ACSBG1: variants seen among roughly 807,000 people sequenced by gnomAD.
The protein encoded by ACSBG1 is long-chain-fatty-acid--CoA ligase ACSBG1.
A neutral mutation model predicts 80.2 loss-of-function variants in ACSBG1; 39 were observed. The observed-to-expected ratio is 0.49, with a 90% CI of 0.38 to 0.64. The LOEUF is 0.64. Among genes scored for constraint, ACSBG1 ranks in the 30% least tolerant of loss-of-function variants. The probability of loss-of-function intolerance (pLI) is 0.00; values close to 1 mark genes in which losing one functional copy is unlikely to be tolerated. For missense variants in ACSBG1, 828 were observed against 966.4 expected (o/e 0.86, Z 1.90); for synonymous variants, 392 against 379.5 (o/e 1.03, Z -0.38).
chr15:78,188,914 C>T (rs1483592506), intron 5 of ACSBG1, among the ~76,000 whole-genome samples: 1 of 148,408 alleles, frequency 6.7e-6, no homozygotes, highest in African/African-American at 2.5e-5. Context: ...TTTTCGCAAC[C>T]TACTCATCTG....
At chr15:78,230,789 C>G (rs1216115263) in intron 1 of ACSBG1, among the ~76,000 whole-genome samples, 1 of 152,222 alleles carries the variant, frequency 6.6e-6, no homozygotes, top group Non-Finnish European at 1.5e-5. Flanking sequence ...AAGGCCACCT[C>G]AGCCACATGG....
chr15:78,207,920 C>T, intron 2 of ACSBG1, 82 bp downstream of exon 2: 3 of 836,426 alleles, frequency 3.6e-6, no homozygotes, highest in East Asian at 2.7e-5. Context: ...GTGGTGGTCC[C>T]CCACACCACC....
At chr15:78,202,081 C>A (rs369676357) in intron 2 of ACSBG1, among the ~76,000 whole-genome samples, 26 of 152,124 alleles carry the variant, frequency 1.7e-4, no homozygotes, top group Non-Finnish European at 2.9e-5. Context: ...AAGCAGGTGG[C>A]GGCAGTAGGG....
intron 1 of ACSBG1, among the ~76,000 whole-genome samples, chr15:78,215,419 G>A (rs1366407288): frequency 6.6e-6 from 1 of 152,212 alleles, no homozygotes; most frequent in African/African-American, 2.4e-5. Flanking sequence ...CACTTTGGGA[G>A]GCCGAGGCGG....
At chr15:78,188,176 G>A (rs538627942) in intron 5 of ACSBG1, among the ~76,000 whole-genome samples, 10 of 152,146 alleles carry the variant, frequency 6.6e-5, no homozygotes, top group Non-Finnish European at 1.5e-5. Context: ...AAATAAAAGA[G>A]GATACAAACA....
At chr15:78,216,070 T>G (rs1325839343) in intron 1 of ACSBG1, among the ~76,000 whole-genome samples, 1 of 152,226 alleles carries the variant, frequency 6.6e-6, no homozygotes, top group Admixed American at 6.5e-5. Context: ...ATTGCTTTTT[T>G]AAAAAACATA....
chr15:78,230,555 G>C lies in ACSBG1; in HGVS notation c.131+3816C>G, dbSNP rs181636316. ...ACTGAGATAGAGCCCTTCTGATATGGTCTGGCTGTGTCCCCACCCAAATCT... is the reference window on the plus strand; with the variant it reads ...ACTGAGATAGAGCCCTTCTGATATGCTCTGGCTGTGTCCCCACCCAAATCT... On this transcript the variant is annotated intron_variant, in intron 1 of 13. Coordinates refer to ENST00000258873, the MANE Select transcript of ACSBG1 (RefSeq NM_015162.5). 2.0e-5 allele frequency among the ~76,000 whole-genome samples: 3 copies of C among 152,370 alleles called. No homozygotes were observed. In the East Asian group the frequency reaches 5.8e-4, roughly 29 times the overall value.
At chr15:78,219,774 G>A (rs938826289) in intron 1 of ACSBG1, among the ~76,000 whole-genome samples, 1 of 152,174 alleles carries the variant, frequency 6.6e-6, no homozygotes, top group Non-Finnish European at 1.5e-5. Flanking sequence ...CACAAGGTCA[G>A]GAGATCAAGA....
At chr15:78,221,381 G>A (rs1483929689) in intron 1 of ACSBG1, among the ~76,000 whole-genome samples, 1 of 152,140 alleles carries the variant, frequency 6.6e-6, no homozygotes, top group African/African-American at 2.4e-5. Flanking sequence ...AGACGTGCAC[G>A]TAGGCTAGAT....
At chr15:78,191,679 T>C (rs945189012) in intron 5 of ACSBG1, among the ~76,000 whole-genome samples, 1 of 152,100 alleles carries the variant, frequency 6.6e-6, no homozygotes, top group Non-Finnish European at 1.5e-5. Context: ...GCTAAAACCA[T>C]CAGGAGAAAG....
At chr15:78,209,913 C>A (rs2075252591) in intron 1 of ACSBG1, among the ~76,000 whole-genome samples, 1 of 152,194 alleles carries the variant, frequency 6.6e-6, no homozygotes, top group Non-Finnish European at 1.5e-5. Context: ...TCCTCCTAAT[C>A]AAAAGGTATG....
chr15:78,177,459 A>C lies in ACSBG1; in HGVS notation c.1702+1155T>G, dbSNP rs896681090. Reference sequence around the variant, plus strand: ...CTTACCTCTCACTATACTAGTTCTAAAAGGAGGGCCGGCTCTGGTTGAATT... The same window carrying C: ...CTTACCTCTCACTATACTAGTTCTACAAGGAGGGCCGGCTCTGGTTGAATT... On this transcript the variant is annotated intron_variant, in intron 11 of 13. Coordinates refer to ENST00000258873, the MANE Select transcript of ACSBG1 (RefSeq NM_015162.5). This position sits in a 1 kb window ranked among gnomAD's most constrained non-coding sequence, Gnocchi z 4.1. Among the ~76,000 whole-genome samples, 9 of 152,158 alleles carry C rather than the reference A, an allele frequency of 5.9e-5. No homozygotes were observed. Among genetic ancestry groups the C allele is most frequent in the African/African-American group, 2.2e-4 (9 of 41,424 alleles).
chr15:78,191,561 A>G (rs552905270), intron 5 of ACSBG1, among the ~76,000 whole-genome samples: 2 of 152,336 alleles, frequency 1.3e-5, no homozygotes, highest in African/African-American at 4.8e-5. Flanking sequence ...AGCCCCAGGT[A>G]ATGAGGGAAA....
chr15:78,193,556 CGCA>C lies in ACSBG1; in HGVS notation c.610_612del (p.Cys204del). 6.2e-7 allele frequency: 1 copy of C among 1,613,570 alleles called. No individual in the cohort carries two copies. Among genetic ancestry groups the C allele is most frequent in the East Asian group, 2.2e-5 (1 of 44,860 alleles). On this transcript the variant is annotated inframe_deletion, in exon 5 of 14. Transcript: ENST00000258873. ...TGCGTGTCGACCATGATGACATTGG[CGCA>C]GCAGTCATAAGCGATGTACTGGCAG...
chr15:78,178,944 C>CT lies in ACSBG1; in HGVS notation c.1485-114dup. On this transcript the variant is annotated intron_variant, in intron 10 of 13. Coordinates refer to ENST00000258873, the MANE Select transcript of ACSBG1 (RefSeq NM_015162.5). The surrounding 1 kb of genome is among the most constrained non-coding windows in gnomAD (Gnocchi z 4.3). ...TTCACTGATTGCTAGAAGGTATCCC[C>CT]TCACAGGGCTTTTGTATTTTTACAG... The CT allele has an allele frequency of 9.3e-7, 1 of 1,072,330 alleles. No individual in the cohort carries two copies. Among genetic ancestry groups the CT allele is most frequent in the African/African-American group, 1.6e-5 (1 of 62,910 alleles). The allele number at this position is 1,072,330 out of a possible 1,614,324, so 66.4% of individuals were successfully genotyped here.
In ACSBG1 at chr15:78,227,987, T is replaced by C. The variant is rs185204025; in HGVS notation, c.131+6384A>G. On this transcript the variant is annotated intron_variant, in intron 1 of 13. Coordinates refer to ENST00000258873, the MANE Select transcript of ACSBG1 (RefSeq NM_015162.5). ...ATGGGAAAGTGAGGGTGGAGATTGA[T>C]TAATTGACTAATCTCTTGCCTTAGC... Among the ~76,000 whole-genome samples, 7 of 152,314 alleles carry C rather than the reference T, an allele frequency of 4.6e-5. No homozygotes were observed. The East Asian group carries it at 1.3e-3, about 29-fold the overall frequency.
chr15:78,174,877 GTCAC>G (rs1423318028), intron 11 of ACSBG1: 1 of 335,052 alleles, frequency 3.0e-6, no homozygotes, highest in African/African-American at 2.1e-5. Context: ...TACCATCCCT[GTCAC>G]TCACACAGCA....
chr15:78,182,091 C>T lies in ACSBG1; in HGVS notation c.949G>A (p.Val317Ile). Residue 317 changes from valine (V) to isoleucine (I), a missense_variant, in exon 8 of 14, where the codon GTC (valine) becomes ATC (isoleucine). Coordinates refer to ENST00000258873, the MANE Select transcript of ACSBG1 (RefSeq NM_015162.5). The part of the protein sequence containing the change: ...SQAGDIRPAE[V>I]QQEVVVSYLP... ...TAGCTGACTACCACCTCCTGCTGGACTTCTGCCGGCCGGATGTCACCGGCC... is the reference window on the plus strand; with the variant it reads ...TAGCTGACTACCACCTCCTGCTGGATTTCTGCCGGCCGGATGTCACCGGCC... The T allele has an allele frequency of 6.2e-7, 1 of 1,613,216 alleles. No homozygotes were observed. Among genetic ancestry groups the T allele is most frequent in the Non-Finnish European group, 8.5e-7 (1 of 1,180,014 alleles).
chr15:78,210,905 TGCTCG>T (rs1294025794), intron 1 of ACSBG1, among the ~76,000 whole-genome samples: 9 of 152,334 alleles, frequency 5.9e-5, no homozygotes, highest in African/African-American at 1.7e-4. Flanking sequence ...CAAGTCACCA[TGCTCG>T]GCCATTTTTT....
Sources: allele counts gnomAD v4.1 joint callset (sites outside exome capture counted in the v4.1 genomes callset), GRCh38; gene constraint gnomAD v4.1.1; non-coding constraint Gnocchi (gnomAD v3.1); transcripts MANE v1.5; gene names NCBI Gene and HGNC (gene_info 2026-07-23, HGNC 2026-07-21).